ATE1: variants seen among roughly 807,000 people sequenced by gnomAD.
ATE1 encodes the protein arginyl-tRNA--protein transferase 1.
Under a neutral mutation model 70.5 loss-of-function variants are expected in ATE1, and 36 were observed. The observed-to-expected ratio is 0.51, with a 90% CI of 0.39 to 0.67. The LOEUF is 0.67. Among genes scored for constraint, ATE1 ranks in the 30% least tolerant of loss-of-function variants. The pLI is 0.00. For synonymous variants in ATE1, 232 were observed against 219.3 expected (o/e 1.06, Z -0.51); for missense variants, 593 against 629.5 (o/e 0.94, Z 0.62).
chr10:121,926,485 T>A (rs1182845073), intron 1 of ATE1, among the ~76,000 whole-genome samples: 1 of 152,158 alleles, frequency 6.6e-6, no homozygotes, highest in South Asian at 2.1e-4. Context: ...ATACTAGAAA[T>A]TGATGATTAT....
At chr10:121,906,257 G>C (rs1590691056) in intron 5 of ATE1, among the ~76,000 whole-genome samples, 1 of 152,018 alleles carries the variant, frequency 6.6e-6, no homozygotes, top group South Asian at 2.1e-4. Context: ...GCCAGGTGTG[G>C]TGGCTCACGC....
chr10:121,751,948 C>A (rs896380639), intron 11 of ATE1, among the ~76,000 whole-genome samples: 6 of 151,982 alleles, frequency 3.9e-5, no homozygotes, highest in African/African-American at 1.4e-4. Flanking sequence ...AATCCCAGCA[C>A]TTTGGGAGGC....
chr10:121,833,577 A>G lies in ATE1; in HGVS notation c.1257+3141T>C, dbSNP rs538902558. Among the ~76,000 whole-genome samples the G allele has an allele frequency of 2.7e-5, 4 of 148,354 alleles. No individual in the cohort carries two copies. The East Asian group carries it at 6.6e-4, about 24-fold the overall frequency. On this transcript the variant is annotated intron_variant, in intron 10 of 11. Coordinates refer to ENST00000224652, the MANE Select transcript of ATE1 (RefSeq NM_001001976.3). ...ATCTAGTCTTAAGAGTCCAGTAGAG[A>G]TTACTGGAGTTGAAAAATGATAAGA...
chr10:121,846,891 G>GTAAA (rs1948846600), intron 8 of ATE1, among the ~76,000 whole-genome samples: 1 of 151,996 alleles, frequency 6.6e-6, no homozygotes, highest in Admixed American at 6.6e-5. Context: ...AATACAAAGA[G>GTAAA]TAAAGCAGGT....
intron 10 of ATE1, among the ~76,000 whole-genome samples, chr10:121,814,568 G>A (rs1947459773): frequency 6.6e-6 from 1 of 152,004 alleles, no homozygotes; most frequent in South Asian, 2.1e-4. Context: ...CCACAAACTT[G>A]GACAATATGG....
intron 7 of ATE1, among the ~76,000 whole-genome samples, chr10:121,878,020 G>A (rs1950109534): frequency 1.3e-5 from 2 of 152,172 alleles, no homozygotes; most frequent in South Asian, 4.1e-4. Flanking sequence ...AAATTATGCT[G>A]TATCCACACA....
chr10:121,868,622 TGTAA>T (rs1012307619), intron 8 of ATE1, among the ~76,000 whole-genome samples: 6 of 152,316 alleles, frequency 3.9e-5, no homozygotes, highest in African/African-American at 1.4e-4. Context: ...TTAATATCCC[TGTAA>T]GTATTATTAT....
intron 11 of ATE1, among the ~76,000 whole-genome samples, chr10:121,778,044 T>C (rs1002573828): frequency 7.9e-5 from 12 of 152,246 alleles, no homozygotes; most frequent in Admixed American, 6.5e-4. Context: ...CTTTAATAGA[T>C]TGTTACTTTA....
chr10:121,786,258 T>G (rs1048141468), intron 11 of ATE1, among the ~76,000 whole-genome samples: 1 of 122,494 alleles, frequency 8.2e-6, no homozygotes, highest in African/African-American at 3.1e-5. Flanking sequence ...AGGATTTTAA[T>G]ACCAATGATA....
Position 121,794,610 on chromosome 10 carries a change from C to CAAA in ATE1, c.1258-4324_1258-4322dup, listed in dbSNP as rs71022866. ...GATCAGGTGACAAAGACCCTGTCTC[C>CAAA]AAAAAAAAAAAAAAAAAAAAAAAGG... On this transcript the variant is annotated intron_variant, in intron 10 of 11. Transcript: ENST00000224652. 7.0e-3 allele frequency among the ~76,000 whole-genome samples: 544 copies of CAAA among 77,362 alleles called. 2 individuals are homozygous for CAAA. The highest frequency in any genetic ancestry group is 0.028 in the South Asian group (54 of 1,956). The allele number at this position is 77,362 out of a possible 152,430, so 50.8% of individuals were successfully genotyped here.
chr10:121,773,264 C>G (rs1182159092), intron 11 of ATE1, among the ~76,000 whole-genome samples: 1 of 152,166 alleles, frequency 6.6e-6, no homozygotes, highest in East Asian at 1.9e-4. Flanking sequence ...TACTTTGAAG[C>G]AATGTTTAAA....
Position 121,819,355 on chromosome 10 carries a change from T to C in ATE1, c.1257+17363A>G, listed in dbSNP as rs141112581. Among the ~76,000 whole-genome samples the C allele has an allele frequency of 4.3e-3, 658 of 152,294 alleles. 5 individuals carry two copies. Among genetic ancestry groups the C allele is most frequent in the African/African-American group, 0.015 (632 of 41,566 alleles). On this transcript the variant is annotated intron_variant, in intron 10 of 11. Coordinates refer to ENST00000224652, the MANE Select transcript of ATE1 (RefSeq NM_001001976.3). ...TAACATTTCCATGCATATGCTTCCA[T>C]GCATACTCACAATACATGCTGTTTT...
chr10:121,800,472 T>A (rs567710076), intron 10 of ATE1, among the ~76,000 whole-genome samples: 194 of 152,338 alleles, frequency 1.3e-3, no homozygotes, highest in Non-Finnish European at 2.3e-3. Flanking sequence ...GCACCAAAGA[T>A]CTTTATGAGA....
At chr10:121,830,370 A>G (rs1240561573) in intron 10 of ATE1, among the ~76,000 whole-genome samples, 1 of 152,048 alleles carries the variant, frequency 6.6e-6, no homozygotes, top group Non-Finnish European at 1.5e-5. Context: ...GGTTACTATA[A>G]ATAAACCCAG....
At position 121,877,568 on chromosome 10, in the gene ATE1, A is replaced by C. The variant is rs149182778; in HGVS notation, c.943-7530T>G. Reference sequence around the variant, plus strand: ...GAACTCTCACAGTCAATAAGGAAAAAACACAAGAATCCAACTTTAAAAAGG... The same window carrying C: ...GAACTCTCACAGTCAATAAGGAAAACACACAAGAATCCAACTTTAAAAAGG... On this transcript the variant is annotated intron_variant, in intron 7 of 11. Transcript: ENST00000224652. Among the ~76,000 whole-genome samples, 1,048 of 152,296 alleles carry C rather than the reference A, an allele frequency of 6.9e-3. 8 individuals are homozygous for C. Among genetic ancestry groups the C allele is most frequent in the African/African-American group, 0.023 (958 of 41,574 alleles).
At chr10:121,770,386 G>A (rs1024445515) in intron 11 of ATE1, among the ~76,000 whole-genome samples, 1 of 151,924 alleles carries the variant, frequency 6.6e-6, no homozygotes, top group Non-Finnish European at 1.5e-5. Flanking sequence ...TTGCAGTTTA[G>A]TTATTTTAAC....
At chr10:121,847,619 G>A (rs971796715) in intron 8 of ATE1, among the ~76,000 whole-genome samples, 8 of 149,794 alleles carry the variant, frequency 5.3e-5, no homozygotes, top group East Asian at 4.0e-4. Context: ...TTAGCCTAGC[G>A]TGGTGGCATG....
chr10:121,916,606 C>A (rs1008932127), intron 3 of ATE1, among the ~76,000 whole-genome samples: 1 of 151,714 alleles, frequency 6.6e-6, no homozygotes, highest in Non-Finnish European at 1.5e-5. Flanking sequence ...GAGGCTGAGG[C>A]AGGTGGATCA....
At chr10:121,862,734 G>C (rs989148952) in intron 8 of ATE1, among the ~76,000 whole-genome samples, 1 of 151,688 alleles carries the variant, frequency 6.6e-6, no homozygotes, top group African/African-American at 2.4e-5. Flanking sequence ...GGACTTATTT[G>C]CCGGTCCCAA....
Sources: gnomAD v4.1 joint callset for allele counts (sites outside exome capture counted in the v4.1 genomes callset) on GRCh38, gnomAD v4.1.1 for gene constraint, MANE v1.5 for transcripts, NCBI Gene and HGNC (gene_info 2026-07-23, HGNC 2026-07-21) for gene names.